CYP4X1: variants seen among roughly 807,000 people sequenced by gnomAD.
CYP4X1 encodes cytochrome P450 4X1.
CYP4X1 carries 44 observed loss-of-function variants against 57.9 expected under a neutral mutation model. The ratio of observed to expected loss-of-function variants is 0.76; its 90% CI spans 0.60 to 0.98. The LOEUF (loss-of-function observed/expected upper bound fraction) is 0.98. Ranked by LOEUF, CYP4X1 falls within the 50% of genes least tolerant of loss-of-function variation. The probability of loss-of-function intolerance (pLI) is 0.00; values close to 1 mark genes in which losing one functional copy is unlikely to be tolerated. For synonymous variants in CYP4X1, 227 were observed against 228.6 expected (o/e 0.99, Z 0.06); for missense variants, 532 against 623.9 (o/e 0.85, Z 1.57).
In CYP4X1 at chr1:47,050,444, C is replaced by A; in HGVS notation, c.*270C>A. ...ACACCAATAGACTTTCATATATTTT[C>A]TGTTGTTTTTAAAATAGTTTTCAGA... On this transcript the variant is annotated 3_prime_UTR_variant, in exon 12 of 12. Coordinates refer to ENST00000371901, the MANE Select transcript of CYP4X1 (RefSeq NM_178033.2). The A allele has an allele frequency of 4.1e-6, 1 of 245,336 alleles. No homozygotes were observed. Among genetic ancestry groups the A allele is most frequent in the Non-Finnish European group, 7.8e-6 (1 of 127,724 alleles). 15.2% of individuals were successfully genotyped at this position (245,336 alleles called of 1,614,324 possible).
At chr1:47,001,303 A>G in the CYP4X1 span, among the ~76,000 whole-genome samples, 1 of 152,244 alleles carries the variant, frequency 6.6e-6, no homozygotes, top group South Asian at 2.1e-4. Context: ...CTGTCAGGAC[A>G]GGGCCTGGGC....
intron 8 of CYP4X1, 65 bp from the exon 9 acceptor site, chr1:47,046,402 C>T (rs1029208059): frequency 3.9e-5 from 63 of 1,596,926 alleles, no homozygotes; most frequent in Admixed American, 6.8e-5. Context: ...CAGGAACAAA[C>T]AGAAAACAGA....
chr1:46,964,075 G>A, the CYP4X1 span, among the ~76,000 whole-genome samples: 1 of 152,166 alleles, frequency 6.6e-6, no homozygotes. Context: ...TAGTTCTCGT[G>A]CCATGGTTTT....
At chr1:46,985,342 G>C in the CYP4X1 span, among the ~76,000 whole-genome samples, 1 of 152,094 alleles carries the variant, frequency 6.6e-6, no homozygotes, top group Admixed American at 6.5e-5. Context: ...AAAATAAATA[G>C]ATAAAAAAGG....
rs1644303153 is a variant in CYP4X1 at position 47,046,491 on chromosome 1, C to T, written c.1098C>T (p.Tyr366=). 1 of 1,614,018 alleles carries T rather than the reference C, an allele frequency of 6.2e-7. No individual in the cohort carries two copies. Among genetic ancestry groups the T allele is most frequent in the South Asian group, 1.1e-5 (1 of 91,076 alleles). Residue 366 remains tyrosine, a synonymous_variant, in exon 9 of 12, where the codon TAC becomes TAT. Transcript: ENST00000371901. ...ITWDQLGEMS[Y]TTMCIKETCR... The stretch of plus-strand genomic sequence containing the variant: ...GGGACCAGCTGGGTGAGATGTCGTA[C>T]ACCACAATGTGCATCAAGGAGACGT...
chr1:47,039,479 G>C lies in CYP4X1; in HGVS notation c.1020G>C (p.Glu340Asp). ...YCLALNPEHQ[E>D]RCREEVRGIL... ...TGGCTCTGAACCCTGAGCATCAAGA[G>C]AGATGCCGGGAGGAGGTCAGGGGCA... Residue 340 changes from glutamate to aspartate, a missense_variant, in exon 8 of 12, where the codon GAG (glutamate) becomes GAC (aspartate). Physicochemically the swap from Glu to Asp is conservative, Grantham distance 45. Transcript: ENST00000371901. The C allele has an allele frequency of 1.2e-6, 2 of 1,613,414 alleles. No individual in the cohort carries two copies. Among genetic ancestry groups the C allele is most frequent in the South Asian group, 1.1e-5 (1 of 90,986 alleles).
At chr1:47,040,589 T>A (rs914210815) in intron 8 of CYP4X1, among the ~76,000 whole-genome samples, 1 of 152,132 alleles carries the variant, frequency 6.6e-6, no homozygotes, top group African/African-American at 2.4e-5. Context: ...AACTAAAGAT[T>A]TAATCTATAT....
chr1:47,038,708 A>C lies in CYP4X1; in HGVS notation c.824A>C (p.Gln275Pro), dbSNP rs554464008. ...AAATCCCTCCAGGCTGGGGTAAAGC[A>C]GGATAACACTCCGAAGAGGAAGTAC... ...RKKSLQAGVK[Q>P]DNTPKRKYQD... is the part of the protein sequence containing the mutation. Residue 275 changes from glutamine (Q) to proline (P), a missense_variant, in exon 7 of 12, where the codon CAG becomes CCG. By Grantham distance (76) the Gln-to-Pro change is moderately conservative. Coordinates refer to ENST00000371901, the MANE Select transcript of CYP4X1 (RefSeq NM_178033.2). 9 of 1,611,522 alleles carry C rather than the reference A, an allele frequency of 5.6e-6. No individual in the cohort carries two copies. Among genetic ancestry groups the C allele is most frequent in the Admixed American group, 5.0e-5 (3 of 59,704 alleles).
At chr1:47,020,197 T>C (rs966731645), upstream of CYP4X1, among the ~76,000 whole-genome samples, 10 of 152,234 alleles carry the variant, frequency 6.6e-5, no homozygotes, top group African/African-American at 2.4e-4. Flanking sequence ...TTTTCCACCA[T>C]GTAGAATGCC....
At chr1:47,034,561 C>T (rs190609306) in intron 4 of CYP4X1, among the ~76,000 whole-genome samples, 3 of 152,276 alleles carry the variant, frequency 2.0e-5, no homozygotes, top group Admixed American at 2.0e-4. Context: ...CCTCTGTTAC[C>T]AGCTCAATGA....
chr1:47,024,039 G>T, intron 1 of CYP4X1, 45 bp downstream of exon 1: 6 of 1,574,926 alleles, frequency 3.8e-6, no homozygotes, highest in South Asian at 3.5e-5. Flanking sequence ...AGGGGCGGAG[G>T]AGGATGCGGC....
chr1:46,996,580 A>G, the CYP4X1 span, among the ~76,000 whole-genome samples: 1 of 152,218 alleles, frequency 6.6e-6, no homozygotes, highest in Non-Finnish European at 1.5e-5. Flanking sequence ...GAGTATAACA[A>G]AGTAATAAAA....
At chr1:47,045,224 A>G (rs974126273) in intron 8 of CYP4X1, among the ~76,000 whole-genome samples, 2 of 152,250 alleles carry the variant, frequency 1.3e-5, no homozygotes, top group Non-Finnish European at 2.9e-5. Flanking sequence ...ATAAGTAATC[A>G]GAAAAACATA....
chr1:46,982,222 G>T, the CYP4X1 span, among the ~76,000 whole-genome samples: 3 of 152,026 alleles, frequency 2.0e-5, no homozygotes, highest in East Asian at 5.8e-4. Context: ...TTCTTAAAAT[G>T]CCTATTTTAT....
the CYP4X1 span, among the ~76,000 whole-genome samples, chr1:46,990,400 A>G: frequency 6.6e-6 from 1 of 152,234 alleles, no homozygotes; most frequent in Middle Eastern, 3.2e-3. Flanking sequence ...GCAGGAAGCA[A>G]CAGATACTGG....
the CYP4X1 span, among the ~76,000 whole-genome samples, chr1:47,011,311 G>A: frequency 2.6e-5 from 4 of 152,146 alleles, no homozygotes; most frequent in African/African-American, 7.2e-5. Context: ...ATGGGGAAAG[G>A]ATTCCCTATT....
chr1:46,966,970 T>C, the CYP4X1 span, among the ~76,000 whole-genome samples: 1 of 152,188 alleles, frequency 6.6e-6, no homozygotes, highest in Non-Finnish European at 1.5e-5. Flanking sequence ...GGGATGTGTA[T>C]AGATGCCAAA....
chr1:46,971,501 G>T, the CYP4X1 span, among the ~76,000 whole-genome samples: 5 of 152,200 alleles, frequency 3.3e-5, no homozygotes, highest in Admixed American at 2.0e-4. Flanking sequence ...TCTCCAGATT[G>T]CTTTCCACAG....
Position 47,050,132 on chromosome 1 carries a change from G to A in CYP4X1, c.1488G>A (p.Lys496=). Residue 496 remains lysine (K), a synonymous_variant, in exon 12 of 12, where the codon AAG becomes AAA. Transcript: ENST00000371901. The stretch of plus-strand genomic sequence containing the variant: ...CCAACCATTTTATCCTCAAGCCCAA[G>A]AATGGGATGTATTTGCACCTGAAGA... ...TFPNHFILKP[K]NGMYLHLKKL... 6.2e-7 allele frequency: 1 copy of A among 1,614,020 alleles called. No homozygotes were observed. Among genetic ancestry groups the A allele is most frequent in the East Asian group, 2.2e-5 (1 of 44,862 alleles).
Sources: gnomAD v4.1 joint callset for allele counts (sites outside exome capture counted in the v4.1 genomes callset) on GRCh38, gnomAD v4.1.1 for gene constraint, MANE v1.5 for transcripts, NCBI Gene and HGNC (gene_info 2026-07-23, HGNC 2026-07-21) for gene names.